Variants in VWA8 observed in about 807,000 individuals in gnomAD.
The protein encoded by VWA8 is von Willebrand factor A domain containing 8, also known as von Willebrand factor A domain-containing protein 8.
Under a neutral mutation model 241.5 loss-of-function variants are expected in VWA8, and 221 were observed. The observed-to-expected ratio is 0.91, with a 90% confidence interval of 0.82 to 1.02. The LOEUF (loss-of-function observed/expected upper bound fraction) is 1.02. VWA8 is among the 50% of genes least tolerant of loss of function. The probability of loss-of-function intolerance (pLI) is 0.00; values close to 1 mark genes in which losing one functional copy is unlikely to be tolerated. For missense variants in VWA8, 2,322 were observed against 2,328.7 expected, an observed-to-expected ratio of 1.00 and a Z score of 0.06; for synonymous variants, 852 against 827.1, an observed-to-expected ratio of 1.03 and a Z score of -0.52.
At chr13:41,841,701 C>T (rs530689600) in intron 12 of VWA8, among the ~76,000 whole-genome samples, 4 of 139,074 alleles carry the variant, frequency 2.9e-5, no homozygotes, top group South Asian at 4.8e-4. Context: ...AGGAGAATGG[C>T]GTGAACCAAG....
Position 41,566,913 on chromosome 13 carries a change from C to T in VWA8, c.*1284G>A, listed in dbSNP as rs759896333. ...GGGTGATAGAACAAATGGGTATTAT[C>T]TTTTCTTCTTTCCTATAATTAATTA... is the stretch of plus-strand genomic sequence containing the variant. On this transcript the variant is annotated 3_prime_UTR_variant, in exon 45 of 45. Transcript: ENST00000379310. 6 of 152,084 alleles carry T rather than the reference C, an allele frequency of 3.9e-5. No homozygotes were observed. In the South Asian group the frequency reaches 8.3e-4, roughly 21 times the overall value. 9.4% of individuals were successfully genotyped at this position (152,084 alleles called of 1,614,324 possible).
chr13:41,863,427 G>A (rs372057351), intron 12 of VWA8, among the ~76,000 whole-genome samples: 18,137 of 67,108 alleles, frequency 0.27, 2,373 homozygotes, highest in Non-Finnish European at 0.34. Flanking sequence ...GTGTGTGTGT[G>A]TGTGTGTATA....
chr13:41,642,562 C>CAAAAAA (rs1156882566), intron 37 of VWA8, among the ~76,000 whole-genome samples: 3 of 61,586 alleles, frequency 4.9e-5, no homozygotes, highest in Admixed American at 1.9e-4. Flanking sequence ...CCGTCTCAAA[C>CAAAAAA]AAAAAAAAAA....
At chr13:41,748,467 C>A (rs1029867971) in intron 21 of VWA8, among the ~76,000 whole-genome samples, 3 of 151,932 alleles carry the variant, frequency 2.0e-5, no homozygotes, top group Non-Finnish European at 2.9e-5. Flanking sequence ...TTTTTTATTG[C>A]GTCTATTTGA....
chr13:41,939,420 GAC>G (rs1343816791), intron 2 of VWA8, among the ~76,000 whole-genome samples: 3 of 152,058 alleles, frequency 2.0e-5, no homozygotes, highest in Non-Finnish European at 4.4e-5. Context: ...AGAGACTTGG[GAC>G]TAAGATGATA....
At chr13:41,788,625 C>T (rs746674556) in intron 17 of VWA8, among the ~76,000 whole-genome samples, 2 of 152,156 alleles carry the variant, frequency 1.3e-5, no homozygotes, top group African/African-American at 4.8e-5. Context: ...ATCACTGCCT[C>T]GTTCAAAAAC....
At chr13:41,847,567 T>C (rs1002223894) in intron 12 of VWA8, among the ~76,000 whole-genome samples, 3 of 152,130 alleles carry the variant, frequency 2.0e-5, no homozygotes, top group Admixed American at 6.5e-5. Context: ...TTGGGTCACA[T>C]AGCGCAGTGG....
chr13:41,921,716 C>A (rs1047316723), intron 2 of VWA8, among the ~76,000 whole-genome samples: 5 of 152,152 alleles, frequency 3.3e-5, no homozygotes, highest in Non-Finnish European at 5.9e-5. Flanking sequence ...ACCTAGGAAT[C>A]CAACTTACAA....
chr13:41,805,074 G>T (rs1392110547), intron 17 of VWA8, among the ~76,000 whole-genome samples: 1 of 152,080 alleles, frequency 6.6e-6, no homozygotes, highest in Non-Finnish European at 1.5e-5. Context: ...CAATAACATG[G>T]AATGTAAATG....
intron 40 of VWA8, among the ~76,000 whole-genome samples, chr13:41,600,668 T>G (rs1363183829): frequency 6.6e-6 from 1 of 152,138 alleles, no homozygotes; most frequent in Non-Finnish European, 1.5e-5. Context: ...TGCTTGATAT[T>G]TTTACATAGG....
chr13:41,777,390 A>G (rs1234854978), intron 20 of VWA8, among the ~76,000 whole-genome samples: 2 of 152,170 alleles, frequency 1.3e-5, no homozygotes, highest in East Asian at 3.9e-4. Flanking sequence ...AAGAGCATGT[A>G]CTGAGGACCA....
chr13:41,813,373 T>C (rs1257442798), intron 16 of VWA8, among the ~76,000 whole-genome samples: 1 of 151,194 alleles, frequency 6.6e-6, no homozygotes, highest in East Asian at 1.9e-4. Flanking sequence ...GCAACTGACT[T>C]GCTATGAGAA....
At chr13:41,617,293 AT>A (rs2044627318) in intron 37 of VWA8, among the ~76,000 whole-genome samples, 1 of 151,824 alleles carries the variant, frequency 6.6e-6, no homozygotes, top group Non-Finnish European at 1.5e-5. Context: ...TAATTTTTTT[AT>A]TTTTAGTAGA....
rs561835945 is a variant in VWA8 at position 41,907,564 on chromosome 13, G to A, written c.483+22C>T. ...ATAGACCTGGAGTACACAGTCATGG[G>A]CTAGAGTGTGACAGAACTTGCCTGA... On this transcript the variant is annotated intron_variant, in intron 4 of 44. Transcript: ENST00000379310. 24 of 1,601,212 alleles carry A rather than the reference G, an allele frequency of 1.5e-5. No individual in the cohort carries two copies. In the African/African-American group the frequency reaches 2.5e-4, roughly 17 times the overall value.
chr13:41,637,406 C>A (rs1176174795), intron 37 of VWA8, among the ~76,000 whole-genome samples: 10 of 109,750 alleles, frequency 9.1e-5, no homozygotes, highest in Admixed American at 2.5e-4. Context: ...CACTCTGGGG[C>A]CTGTTGTGGG....
chr13:41,920,853 A>C (rs1876492021), intron 2 of VWA8, among the ~76,000 whole-genome samples: 1 of 152,342 alleles, frequency 6.6e-6, no homozygotes, highest in East Asian at 1.9e-4. Flanking sequence ...TTCTACCAGA[A>C]GTACAAAGAG....
intron 37 of VWA8, among the ~76,000 whole-genome samples, chr13:41,633,277 T>A (rs996524572): frequency 6.6e-6 from 1 of 152,242 alleles, no homozygotes; most frequent in Non-Finnish European, 1.5e-5. Context: ...GTATGGATTC[T>A]AGGTGTAAAC....
At chr13:41,895,994 T>C (rs1243643808) in intron 4 of VWA8, among the ~76,000 whole-genome samples, 1 of 151,972 alleles carries the variant, frequency 6.6e-6, no homozygotes, top group Admixed American at 6.5e-5. Flanking sequence ...ATTAGACAAA[T>C]TGCCAGGAAA....
At chr13:41,615,813 G>A (rs2044617248) in intron 37 of VWA8, among the ~76,000 whole-genome samples, 1 of 152,162 alleles carries the variant, frequency 6.6e-6, no homozygotes, top group Non-Finnish European at 1.5e-5. Flanking sequence ...TCACCAAAAG[G>A]AGTGACAACC....
Sources: allele counts gnomAD v4.1 joint callset (sites outside exome capture counted in the v4.1 genomes callset), GRCh38; gene constraint gnomAD v4.1.1; transcripts MANE v1.5; gene names NCBI Gene and HGNC (gene_info 2026-07-23, HGNC 2026-07-21).